Variants in GRIA2 observed in about 807,000 individuals in gnomAD.
GRIA2 encodes glutamate receptor 2.
A neutral mutation model predicts 97.3 loss-of-function variants in GRIA2; 14 were observed. The observed-to-expected ratio is 0.14, with a 90% CI of 0.10 to 0.23. The LOEUF is 0.23. Among genes scored for constraint, GRIA2 ranks in the 10% least tolerant of loss-of-function variants. The probability of loss-of-function intolerance (pLI) is 1.00; values close to 1 mark genes in which losing one functional copy is unlikely to be tolerated. For missense variants in GRIA2, 558 were observed against 1,069.8 expected, an observed-to-expected ratio of 0.52 and a Z score of 6.67; for synonymous variants, 412 against 387.8, an observed-to-expected ratio of 1.06 and a Z score of -0.73.
intron 2 of GRIA2, among the ~76,000 whole-genome samples, chr4:157,232,093 G>T (rs1269963096): frequency 6.6e-6 from 1 of 152,124 alleles, no homozygotes; most frequent in African/African-American, 2.4e-5. Flanking sequence ...TAATTAGTTT[G>T]GTCTATATAT....
At chr4:157,229,939 AC>A (rs949881384) in intron 2 of GRIA2, among the ~76,000 whole-genome samples, 3 of 152,158 alleles carry the variant, frequency 2.0e-5, no homozygotes, top group African/African-American at 7.2e-5. Flanking sequence ...CTTCCTAAGT[AC>A]CCAACTTACT....
Position 157,265,689 on chromosome 4 carries a change from T to G in GRIA2, c.230-37863T>G, listed in dbSNP as rs1309814190. On this transcript the variant is annotated intron_variant, in intron 2 of 15. Coordinates refer to ENST00000264426, the MANE Select transcript of GRIA2 (RefSeq NM_001083619.3). ...TGTGACCAAGAAGCTGTAGCCAACT[T>G]TATTCTGCCACAGCCGGAATACGGA... Among the ~76,000 whole-genome samples the G allele has an allele frequency of 2.0e-5, 3 of 152,084 alleles. No homozygotes were observed. The South Asian group carries it at 6.2e-4, about 32-fold the overall frequency.
upstream of GRIA2, chr4:157,220,508 A>G (rs1479476537): frequency 6.6e-6 from 1 of 151,866 alleles, no homozygotes; most frequent in East Asian, 1.9e-4. Context: ...AGCGCCGCGC[A>G]CGCGACGCGT....
chr4:157,290,333 A>G (rs2126834003), intron 2 of GRIA2, among the ~76,000 whole-genome samples: 1 of 151,986 alleles, frequency 6.6e-6, no homozygotes, highest in East Asian at 1.9e-4. Context: ...CATTTGGTCC[A>G]ATGCTGTTTA....
intron 5 of GRIA2, among the ~76,000 whole-genome samples, chr4:157,320,092 G>A (rs1734494405): frequency 6.6e-6 from 1 of 152,060 alleles, no homozygotes; most frequent in South Asian, 2.1e-4. Flanking sequence ...GGCATGAAAT[G>A]TTTTCATGGA....
At chr4:157,253,919 G>T (rs114405569) in intron 2 of GRIA2, among the ~76,000 whole-genome samples, 4,280 of 152,080 alleles carry the variant, frequency 0.028, 119 homozygotes, top group Middle Eastern at 0.13. Context: ...TCTTGTAAAA[G>T]ATTTGTCAAA....
chr4:157,291,684 AT>A (rs1733111670), intron 2 of GRIA2, among the ~76,000 whole-genome samples: 1 of 152,040 alleles, frequency 6.6e-6, no homozygotes, highest in African/African-American at 2.4e-5. Flanking sequence ...GTAGTTTATC[AT>A]TTTTATTAGA....
chr4:157,336,887 T>G, intron 11 of GRIA2, 140 bp downstream of exon 11: 1 of 714,764 alleles, frequency 1.4e-6, no homozygotes, highest in Admixed American at 2.4e-5. Context: ...GACATCCTCT[T>G]AGCTTCGGCA....
intron 2 of GRIA2, among the ~76,000 whole-genome samples, chr4:157,291,284 C>T (rs929636629): frequency 6.6e-6 from 1 of 151,952 alleles, no homozygotes; most frequent in Non-Finnish European, 1.5e-5. Context: ...TTAGCTCCAT[C>T]TTCTGGCCTT....
intron 2 of GRIA2, among the ~76,000 whole-genome samples, chr4:157,278,217 A>G (rs1388539883): frequency 2.0e-5 from 3 of 151,828 alleles, no homozygotes; most frequent in East Asian, 1.9e-4. Context: ...TGACTTTAAG[A>G]CTACCTTACT....
At chr4:157,222,303 G>T (rs947779284) in intron 2 of GRIA2, among the ~76,000 whole-genome samples, 1 of 152,204 alleles carries the variant, frequency 6.6e-6, no homozygotes, top group Admixed American at 6.5e-5. Context: ...CCCCAGTTTA[G>T]ATCCGCAGCA....
At chr4:157,352,919 C>T (rs1281788079) in intron 12 of GRIA2, among the ~76,000 whole-genome samples, 1 of 149,058 alleles carries the variant, frequency 6.7e-6, no homozygotes, top group Admixed American at 6.7e-5. Flanking sequence ...ATTAGTTAGG[C>T]GTGTTGGCGG....
In GRIA2 at chr4:157,312,706, A is replaced by G. The variant is rs748953131; in HGVS notation, c.497A>G (p.Asp166Gly). The stretch of plus-strand genomic sequence containing the variant: ...TTATCAACACTGCAAGCTGTGCTGG[A>G]TTCTGCTGCTGAAAAGAAATGGCAA... ...RGLSTLQAVLDSAAEKKWQVT... is the reference protein window; with the variant it reads ...RGLSTLQAVLGSAAEKKWQVT... The change falls in exon 4 of 16, where the codon GAT becomes GGT. Residue 166 changes from aspartate (D) to glycine (G), a missense_variant. By Grantham distance (94) the Asp-to-Gly change is moderately conservative (BLOSUM62 -1). Around this residue, in one of 8 missense-constraint regions of GRIA2, gnomAD observed 173 missense variants for 209.1 expected, o/e 0.83. Coordinates refer to ENST00000264426, the MANE Select transcript of GRIA2 (RefSeq NM_001083619.3). The G allele has an allele frequency of 7.5e-6, 12 of 1,610,194 alleles. No homozygotes were observed. Among genetic ancestry groups the G allele is most frequent in the Non-Finnish European group, 7.6e-6 (9 of 1,177,702 alleles).
At chr4:157,359,127 C>G (rs4582196) in intron 12 of GRIA2, among the ~76,000 whole-genome samples, 1 of 152,176 alleles carries the variant, frequency 6.6e-6, no homozygotes, top group Non-Finnish European at 1.5e-5. Flanking sequence ...AGGAAGTATT[C>G]AATGACTCTT....
intron 2 of GRIA2, among the ~76,000 whole-genome samples, chr4:157,282,503 T>C (rs1354687558): frequency 3.9e-5 from 6 of 151,960 alleles, no homozygotes; most frequent in African/African-American, 1.2e-4. Context: ...GTGTGGGGGA[T>C]TGTTGACATG....
intron 2 of GRIA2, among the ~76,000 whole-genome samples, chr4:157,248,184 A>G (rs1730820415): frequency 6.6e-6 from 1 of 151,596 alleles, no homozygotes; most frequent in Admixed American, 6.6e-5. Flanking sequence ...ACCAAAGTAT[A>G]AAACTGAATC....
intron 2 of GRIA2, among the ~76,000 whole-genome samples, chr4:157,243,279 G>C (rs543312386): frequency 1.3e-5 from 2 of 152,160 alleles, no homozygotes; most frequent in African/African-American, 4.8e-5. Context: ...TATTTGATTT[G>C]AGCCAGTTTA....
At chr4:157,283,825 T>C (rs1732718382) in intron 2 of GRIA2, among the ~76,000 whole-genome samples, 1 of 151,864 alleles carries the variant, frequency 6.6e-6, no homozygotes, top group Admixed American at 6.6e-5. Flanking sequence ...AAAATAGAGA[T>C]AAGATTTATT....
intron 2 of GRIA2, among the ~76,000 whole-genome samples, chr4:157,277,129 A>C (rs1318294629): frequency 1.3e-5 from 2 of 151,952 alleles, no homozygotes; most frequent in African/African-American, 4.8e-5. Context: ...ACATAGACAC[A>C]AAAATAATTA....
Sources: gnomAD v4.1 joint callset for allele counts (sites outside exome capture counted in the v4.1 genomes callset) on GRCh38, gnomAD v4.1.1 for gene constraint, gnomAD v4.1.1 regional missense constraint, MANE v1.5 for transcripts, NCBI Gene and HGNC (gene_info 2026-07-23, HGNC 2026-07-21) for gene names.